Variants in CNTNAP2 observed in about 807,000 individuals in gnomAD.
CNTNAP2 encodes the protein contactin associated protein 2.
A neutral mutation model predicts 155.2 loss-of-function variants in CNTNAP2; 98 were observed. The ratio of observed to expected loss-of-function variants is 0.63; its 90% CI spans 0.54 to 0.75. CNTNAP2 has a LOEUF of 0.75. Among genes scored for constraint, CNTNAP2 ranks in the 30% least tolerant of loss-of-function variants. The pLI is 0.00. For missense variants in CNTNAP2, 1,727 were observed against 1,688.1 expected, an observed-to-expected ratio of 1.02 and a Z score of -0.40; for synonymous variants, 651 against 631.2, an observed-to-expected ratio of 1.03 and a Z score of -0.47.
chr7:147,535,115 G>A (rs1437297209), intron 11 of CNTNAP2, among the ~76,000 whole-genome samples: 1 of 152,180 alleles, frequency 6.6e-6, no homozygotes, highest in African/African-American at 2.4e-5. Flanking sequence ...GGCCAAGGCC[G>A]GGCGCGGTGG....
At chr7:147,539,923 T>C (rs984778949) in intron 11 of CNTNAP2, among the ~76,000 whole-genome samples, 3 of 152,222 alleles carry the variant, frequency 2.0e-5, no homozygotes, top group Non-Finnish European at 2.9e-5. Flanking sequence ...CTGTTAACTC[T>C]CTCATGTCCA....
At chr7:146,250,504 C>T (rs574698397) in intron 1 of CNTNAP2, among the ~76,000 whole-genome samples, 1 of 152,266 alleles carries the variant, frequency 6.6e-6, no homozygotes, top group African/African-American at 2.4e-5. Context: ...GGTGGTGCCT[C>T]AGTTAGCACA....
At chr7:146,901,289 C>T (rs1163327392) in intron 3 of CNTNAP2, among the ~76,000 whole-genome samples, 1 of 152,158 alleles carries the variant, frequency 6.6e-6, no homozygotes, top group African/African-American at 2.4e-5. Flanking sequence ...TGAAGTTTTA[C>T]ATTTCCATAG....
At chr7:146,623,317 C>A (rs1023978318) in intron 1 of CNTNAP2, among the ~76,000 whole-genome samples, 1 of 152,052 alleles carries the variant, frequency 6.6e-6, no homozygotes. Flanking sequence ...TTAAGGTTTT[C>A]TCTTCTGTAT....
chr7:146,496,229 C>A (rs188780338), intron 1 of CNTNAP2, among the ~76,000 whole-genome samples: 14 of 152,156 alleles, frequency 9.2e-5, no homozygotes, highest in African/African-American at 3.4e-4. Context: ...TGAGTTCAGG[C>A]GGTGATGACT....
chr7:147,542,733 A>G (rs1210264933), intron 11 of CNTNAP2, among the ~76,000 whole-genome samples: 4 of 152,192 alleles, frequency 2.6e-5, no homozygotes, highest in Non-Finnish European at 4.4e-5. Flanking sequence ...TGAGATCCAT[A>G]AATTTGTGTT....
At chr7:148,352,419 A>C (rs547329439) in intron 21 of CNTNAP2, among the ~76,000 whole-genome samples, 2 of 152,356 alleles carry the variant, frequency 1.3e-5, no homozygotes, top group East Asian at 3.9e-4. Flanking sequence ...CCTCTTTCTA[A>C]AATACAGGGA....
chr7:147,558,845 C>A (rs1006840690), intron 11 of CNTNAP2, among the ~76,000 whole-genome samples: 1 of 151,984 alleles, frequency 6.6e-6, no homozygotes, highest in African/African-American at 2.4e-5. Flanking sequence ...TGGGTTCAAG[C>A]GATTCTCCTG....
intron 12 of CNTNAP2, among the ~76,000 whole-genome samples, chr7:147,587,165 G>T (rs1438576254): frequency 6.6e-6 from 1 of 152,142 alleles, no homozygotes; most frequent in East Asian, 1.9e-4. Flanking sequence ...TCTTCATTAG[G>T]TGTTGCTCTC....
At chr7:147,325,073 C>G (rs933206329) in intron 9 of CNTNAP2, among the ~76,000 whole-genome samples, 1 of 152,118 alleles carries the variant, frequency 6.6e-6, no homozygotes, top group Non-Finnish European at 1.5e-5. Context: ...GAGGCTGAGA[C>G]AGGTGAATCA....
intron 1 of CNTNAP2, among the ~76,000 whole-genome samples, chr7:146,243,334 G>T (rs943198247): frequency 6.6e-6 from 1 of 151,682 alleles, no homozygotes; most frequent in Non-Finnish European, 1.5e-5. Context: ...TATATAACAG[G>T]TTATATTTTT....
chr7:146,843,303 C>T (rs1433568715), intron 3 of CNTNAP2, among the ~76,000 whole-genome samples: 4 of 150,494 alleles, frequency 2.7e-5, no homozygotes, highest in Admixed American at 6.6e-5. Context: ...TGAGCCACCG[C>T]GCCCGGCCCT....
intron 4 of CNTNAP2, among the ~76,000 whole-genome samples, chr7:147,046,166 C>A (rs918055034): frequency 1.3e-5 from 2 of 152,214 alleles, no homozygotes; most frequent in East Asian, 1.9e-4. Flanking sequence ...TCACTATCAC[C>A]GTTCTGTTTT....
At chr7:146,480,870 G>A (rs1796950374) in intron 1 of CNTNAP2, among the ~76,000 whole-genome samples, 1 of 151,388 alleles carries the variant, frequency 6.6e-6, no homozygotes, top group Admixed American at 6.6e-5. Context: ...TTTCAGTAGA[G>A]ACAGGGTTTC....
intron 8 of CNTNAP2, among the ~76,000 whole-genome samples, chr7:147,192,472 C>A (rs1802700683): frequency 6.6e-6 from 1 of 152,144 alleles, no homozygotes; most frequent in Non-Finnish European, 1.5e-5. Context: ...ACTTGTTAAA[C>A]ATGCAAATTA....
intron 8 of CNTNAP2, among the ~76,000 whole-genome samples, chr7:147,211,518 C>A (rs1247502288): frequency 4.6e-5 from 7 of 151,966 alleles, no homozygotes; most frequent in Admixed American, 4.6e-4. Context: ...CCACACACCT[C>A]CAATAATATG....
chr7:147,791,062 A>G (rs2116572779), intron 13 of CNTNAP2, among the ~76,000 whole-genome samples: 1 of 152,260 alleles, frequency 6.6e-6, no homozygotes, highest in East Asian at 1.9e-4. Context: ...TTAAAATGTC[A>G]TCTGTTATTT....
chr7:146,693,750 G>C (rs909561881), intron 1 of CNTNAP2, among the ~76,000 whole-genome samples: 1 of 151,862 alleles, frequency 6.6e-6, no homozygotes, highest in Non-Finnish European at 1.5e-5. Context: ...TTAAGTTCTG[G>C]GGTACATGTA....
At chr7:147,030,462 A>G (rs1371029584) in intron 3 of CNTNAP2, among the ~76,000 whole-genome samples, 2 of 152,142 alleles carry the variant, frequency 1.3e-5, no homozygotes, top group African/African-American at 4.8e-5. Context: ...ACACCCTCCT[A>G]TGCAACAATT....
Sources: allele counts gnomAD v4.1 joint callset (sites outside exome capture counted in the v4.1 genomes callset), GRCh38; gene constraint gnomAD v4.1.1; transcripts MANE v1.5; gene names NCBI Gene and HGNC (gene_info 2026-07-23, HGNC 2026-07-21).